The following GABRA3 variants were observed in gnomAD, a reference collection of about 807,000 sequenced individuals.
GABRA3 encodes gamma-aminobutyric acid receptor subunit alpha-3.
A neutral mutation model predicts 30.1 loss-of-function variants in GABRA3; 10 were observed. The observed-to-expected ratio is 0.33, with a 90% CI of 0.20 to 0.56. GABRA3 has a LOEUF of 0.56. Ranked by LOEUF, GABRA3 falls within the 20% of genes least tolerant of loss-of-function variation. The probability of loss-of-function intolerance (pLI) is 0.89; values close to 1 mark genes in which losing one functional copy is unlikely to be tolerated. For missense variants in GABRA3, 233 were observed against 392.0 expected (o/e 0.59, Z 3.42); for synonymous variants, 151 against 146.8 (o/e 1.03, Z -0.21).
chrX:152,175,503 T>TG (rs1937061753), intron 9 of GABRA3, among the ~76,000 whole-genome samples: 1 of 111,223 alleles, frequency 9.0e-6, no homozygotes, highest in Admixed American at 9.6e-5. Context: ...ACATCCCAGT[T>TG]GGGGGGACAT....
chrX:152,272,585 G>C (rs1254465603), intron 4 of GABRA3, among the ~76,000 whole-genome samples: 1 of 111,883 alleles, frequency 8.9e-6, no homozygotes, highest in East Asian at 2.8e-4. Flanking sequence ...TTAATAATTT[G>C]GGGGACTGTT....
chrX:152,176,053 G>C (rs1305760914), intron 9 of GABRA3, among the ~76,000 whole-genome samples: 3 of 101,264 alleles, frequency 3.0e-5, no homozygotes, highest in Non-Finnish European at 6.0e-5. Context: ...GACAGAGTGA[G>C]TTTCCATCTC....
At chrX:152,271,879 C>A (rs1403358720) in intron 4 of GABRA3, among the ~76,000 whole-genome samples, 1 of 111,946 alleles carries the variant, frequency 8.9e-6, no homozygotes, top group African/African-American at 3.2e-5. Flanking sequence ...AGCCCCCAAG[C>A]CTTGGCAGTT....
At chrX:152,223,570 A>G (rs1044677380) in intron 6 of GABRA3, among the ~76,000 whole-genome samples, 24 of 110,080 alleles carry the variant, frequency 2.2e-4, no homozygotes, top group Non-Finnish European at 4.6e-4. Context: ...CTGGCCAGCC[A>G]CACTGGCTGA....
At chrX:152,232,807 A>G (rs1170998348) in intron 5 of GABRA3, among the ~76,000 whole-genome samples, 1 of 110,274 alleles carries the variant, frequency 9.1e-6, no homozygotes, top group Non-Finnish European at 1.9e-5. Flanking sequence ...TTTTGATATA[A>G]TGATTTGTCT....
At chrX:152,448,182 T>C (rs969072317) in intron 1 of GABRA3, among the ~76,000 whole-genome samples, 1 of 112,191 alleles carries the variant, frequency 8.9e-6, no homozygotes, top group Non-Finnish European at 1.9e-5. Context: ...GCTTTGCTAC[T>C]TGAAGTGTGG....
chrX:152,393,321 T>A (rs1411741300), intron 1 of GABRA3: 1 of 281,267 alleles, frequency 3.6e-6, no homozygotes, highest in Non-Finnish European at 6.8e-6. Context: ...ATAAACAATG[T>A]GCAGAAAAAG....
At chrX:152,430,243 AAATG>A (rs1185304329) in intron 1 of GABRA3, among the ~76,000 whole-genome samples, 17 of 112,199 alleles carry the variant, frequency 1.5e-4, no homozygotes, top group African/African-American at 5.2e-4. Flanking sequence ...TGAAACAGAA[AAATG>A]AACTCAGCAA....
At chrX:152,310,732 C>T (rs559152530) in intron 3 of GABRA3, among the ~76,000 whole-genome samples, 2 of 109,503 alleles carry the variant, frequency 1.8e-5, no homozygotes, top group African/African-American at 6.6e-5. Context: ...TGAAGAAAAT[C>T]GAGATTAAAA....
intron 6 of GABRA3, among the ~76,000 whole-genome samples, chrX:152,222,755 A>G (rs1199325523): frequency 9.0e-6 from 1 of 110,551 alleles, no homozygotes; most frequent in Non-Finnish European, 1.9e-5. Flanking sequence ...TTAATCTCAT[A>G]ACGGACTTGT....
chrX:152,216,096 A>G (rs1198773136), intron 6 of GABRA3, among the ~76,000 whole-genome samples: 1 of 110,652 alleles, frequency 9.0e-6, no homozygotes, highest in African/African-American at 3.3e-5. Flanking sequence ...CAAGTGCTGG[A>G]AAAGATGAGA....
At chrX:152,169,657 T>C (rs1462840339) in intron 9 of GABRA3, among the ~76,000 whole-genome samples, 1 of 111,712 alleles carries the variant, frequency 9.0e-6, no homozygotes, top group East Asian at 2.8e-4. Context: ...AGTCTATAGA[T>C]GGTTTGTTGC....
intron 1 of GABRA3, among the ~76,000 whole-genome samples, chrX:152,401,434 A>ATCAGATTT (rs770792171): frequency 9.0e-6 from 1 of 110,747 alleles, no homozygotes; most frequent in South Asian, 3.8e-4. Flanking sequence ...GCCATTCATT[A>ATCAGATTT]TCAGATTTTA....
intron 1 of GABRA3, among the ~76,000 whole-genome samples, chrX:152,445,644 G>T (rs1208207463): frequency 2.7e-5 from 3 of 111,725 alleles, no homozygotes; most frequent in Non-Finnish European, 5.6e-5. Flanking sequence ...TACCTGCACA[G>T]AACCATGATA....
At chrX:152,202,266 A>G (rs1029426584) in intron 7 of GABRA3, among the ~76,000 whole-genome samples, 6 of 111,778 alleles carry the variant, frequency 5.4e-5, no homozygotes, top group Non-Finnish European at 1.1e-4. Context: ...TAGACCCTAC[A>G]TGGAAGAGTG....
At chrX:152,303,451 T>G (rs187672043) in intron 3 of GABRA3, among the ~76,000 whole-genome samples, 169 of 111,219 alleles carry the variant, frequency 1.5e-3, no homozygotes, top group African/African-American at 5.5e-3. Context: ...GACCCAGCAA[T>G]CCCATTACTG....
At chrX:152,444,051 T>C (rs1931003280) in intron 1 of GABRA3, among the ~76,000 whole-genome samples, 1 of 110,751 alleles carries the variant, frequency 9.0e-6, no homozygotes, top group South Asian at 3.8e-4. Flanking sequence ...GATTTAGAGG[T>C]GATTTTTTTT....
At chrX:152,367,213 T>C (rs1369536109) in intron 1 of GABRA3, among the ~76,000 whole-genome samples, 1 of 110,940 alleles carries the variant, frequency 9.0e-6, no homozygotes, top group African/African-American at 3.3e-5. Context: ...TGTATGCTTA[T>C]ATAAGTACAG....
At position 152,168,475 on chromosome X, in the gene GABRA3, G is replaced by C; in HGVS notation, c.1232C>G (p.Thr411Ser). Reference sequence around the variant, plus strand: ...GCCCTTGGAGATGGTGGAAAATTCAGTGTCCTTGGCCAGGTTGATGGGATA... The same window carrying C: ...GCCCTTGGAGATGGTGGAAAATTCACTGTCCTTGGCCAGGTTGATGGGATA... ...TTYPINLAKD[T>S]EFSTISKGAA... The change falls in exon 10 of 10, where the codon ACT becomes AGT. Residue 411 changes from threonine to serine, a missense_variant. Physicochemically the swap from Thr to Ser is moderately conservative, Grantham distance 58. This residue lies in a region of GABRA3 where 66 missense variants were observed against 57.1 expected (regional missense o/e 1.16). Coordinates refer to ENST00000370314, the MANE Select transcript of GABRA3 (RefSeq NM_000808.4). The C allele has an allele frequency of 8.3e-7, 1 of 1,211,533 alleles. No homozygotes were observed. Among genetic ancestry groups the C allele is most frequent in the Non-Finnish European group, 1.1e-6 (1 of 895,073 alleles).
Sources: gnomAD v4.1 joint callset for allele counts (sites outside exome capture counted in the v4.1 genomes callset) on GRCh38, gnomAD v4.1.1 for gene constraint, gnomAD v4.1.1 regional missense constraint, MANE v1.5 for transcripts, NCBI Gene and HGNC (gene_info 2026-07-23, HGNC 2026-07-21) for gene names.